The following ECT2L variants were observed in gnomAD, a reference collection of about 807,000 sequenced individuals.
The protein encoded by ECT2L is epithelial cell-transforming sequence 2 oncogene-like.
In ECT2L, 126 loss-of-function variants were observed where a neutral mutation model predicts 122.8. The observed-to-expected ratio is 1.03, with a 90% CI of 0.89 to 1.19. The LOEUF (loss-of-function observed/expected upper bound fraction) is 1.19, where lower values mean the gene tolerates loss of function less well. Among genes scored for constraint, ECT2L ranks in the 50% most tolerant of loss-of-function variants. The probability of loss-of-function intolerance (pLI) is 0.00; values close to 1 mark genes in which losing one functional copy is unlikely to be tolerated. For synonymous variants in ECT2L, 385 were observed against 381.8 expected, an observed-to-expected ratio of 1.01 and a Z score of -0.10; for missense variants, 1,012 against 1,064.1, an observed-to-expected ratio of 0.95 and a Z score of 0.68.
chr6:138,800,498 C>T (rs1478922718), intron 1 of ECT2L, among the ~76,000 whole-genome samples: 4 of 152,170 alleles, frequency 2.6e-5, no homozygotes, highest in African/African-American at 9.7e-5. Context: ...ATTCTTATCT[C>T]AAATGAATCC....
intron 20 of ECT2L, among the ~76,000 whole-genome samples, chr6:138,894,861 C>T (rs1779157407): frequency 6.6e-6 from 1 of 152,156 alleles, no homozygotes; most frequent in Admixed American, 6.5e-5. Flanking sequence ...ATAAACTCTA[C>T]TTATATTGAT....
chr6:138,816,531 C>T (rs1776073289), intron 4 of ECT2L, among the ~76,000 whole-genome samples: 1 of 152,072 alleles, frequency 6.6e-6, no homozygotes, highest in Non-Finnish European at 1.5e-5. Flanking sequence ...GTCGCCCAGG[C>T]TGGAGTGCAG....
intron 4 of ECT2L, among the ~76,000 whole-genome samples, chr6:138,831,531 C>T (rs1416789561): frequency 6.6e-6 from 1 of 152,206 alleles, no homozygotes; most frequent in Non-Finnish European, 1.5e-5. Flanking sequence ...GGAGGCTCTT[C>T]TACCTCCACT....
In ECT2L at chr6:138,844,394, C is replaced by A. The variant is rs1382730526; in HGVS notation, c.596-18C>A. 1 of 1,610,814 alleles carries A rather than the reference C, an allele frequency of 6.2e-7. No homozygotes were observed. Among genetic ancestry groups the A allele is most frequent in the African/African-American group, 1.3e-5 (1 of 74,866 alleles). On this transcript the variant is annotated intron_variant, in intron 6 of 21. Coordinates refer to ENST00000541398, the MANE Select transcript of ECT2L (RefSeq NM_001077706.3). ...AGTATGAAGTAATCAGCCCCGCCTGCTGTTCTTTGTTTTTCAGAGGAGTTA... is the reference window on the plus strand; with the variant it reads ...AGTATGAAGTAATCAGCCCCGCCTGATGTTCTTTGTTTTTCAGAGGAGTTA...
chr6:138,879,877 C>T (rs530758308), intron 14 of ECT2L, among the ~76,000 whole-genome samples: 4 of 152,112 alleles, frequency 2.6e-5, no homozygotes, highest in Admixed American at 1.3e-4. Context: ...TGCTTGAACC[C>T]AGGAGGCGGA....
chr6:138,881,280 A>T, intron 15 of ECT2L, 109 bp downstream of exon 15: 1 of 1,092,354 alleles, frequency 9.2e-7, no homozygotes, highest in Non-Finnish European at 1.3e-6. Flanking sequence ...TGACCCTCTT[A>T]GGGACCCTGA....
At chr6:138,848,437 G>A (rs1777309250) in intron 8 of ECT2L, among the ~76,000 whole-genome samples, 1 of 152,038 alleles carries the variant, frequency 6.6e-6, no homozygotes, top group Non-Finnish European at 1.5e-5. Context: ...AAAAATAAAG[G>A]AAGCACAAAG....
At chr6:138,803,805 TG>T (rs1400169318) in intron 1 of ECT2L, among the ~76,000 whole-genome samples, 1 of 152,238 alleles carries the variant, frequency 6.6e-6, no homozygotes, top group African/African-American at 2.4e-5. Flanking sequence ...GTTCCTAATA[TG>T]ATACATGCCT....
At chr6:138,820,967 C>T (rs868826720) in intron 4 of ECT2L, among the ~76,000 whole-genome samples, 1 of 152,162 alleles carries the variant, frequency 6.6e-6, no homozygotes, top group Non-Finnish European at 1.5e-5. Flanking sequence ...TTTGGCTCAA[C>T]GCAATGGAAT....
At chr6:138,810,093 T>G (rs1775841284) in intron 1 of ECT2L, among the ~76,000 whole-genome samples, 1 of 152,204 alleles carries the variant, frequency 6.6e-6, no homozygotes, top group Non-Finnish European at 1.5e-5. Context: ...ATAAGTTTAT[T>G]ACTACAGGCC....
At chr6:138,855,289 A>G (rs181905629) in intron 10 of ECT2L, among the ~76,000 whole-genome samples, 114 of 152,106 alleles carry the variant, frequency 7.5e-4, no homozygotes, top group African/African-American at 2.6e-3. Flanking sequence ...GGGCAGATCA[A>G]CTGAGGTCAG....
chr6:138,888,969 G>T lies in ECT2L; in HGVS notation c.2352G>T (p.Leu784=). The T allele has an allele frequency of 1.3e-6, 2 of 1,520,510 alleles. No individual in the cohort carries two copies. The highest frequency in any genetic ancestry group is 1.3e-5 in the South Asian group (1 of 74,568). The allele number at this position is 1,520,510 out of a possible 1,614,324, so 94.2% of individuals were successfully genotyped here. A position where few individuals can be genotyped will look rare whatever the true frequency, so the allele number is the denominator to read the frequency against. The change falls in exon 20 of 22, where the codon CTG becomes CTT. Residue 784 remains leucine (L), a synonymous_variant. Transcript: ENST00000541398. ...CPTLSEVNRY[L]IRVQDVAQLH... ...CTCTATCAGAAGTAAACAGATATCT[G>T]ATTAGGGTACAAGATGTAGCCCAAC...
At chr6:138,877,023 C>T (rs529993328) in intron 14 of ECT2L, among the ~76,000 whole-genome samples, 5 of 152,198 alleles carry the variant, frequency 3.3e-5, no homozygotes, top group South Asian at 2.1e-4. Flanking sequence ...GTGTAACCCA[C>T]GGCATGGGCA....
At chr6:138,830,732 C>T (rs562747963) in intron 4 of ECT2L, among the ~76,000 whole-genome samples, 1 of 152,274 alleles carries the variant, frequency 6.6e-6, no homozygotes, top group African/African-American at 2.4e-5. Context: ...TCCTACCTCT[C>T]GGTCCTGTCC....
chr6:138,895,410 G>A (rs1436772907), intron 20 of ECT2L, among the ~76,000 whole-genome samples: 1 of 152,118 alleles, frequency 6.6e-6, no homozygotes, highest in Non-Finnish European at 1.5e-5. Flanking sequence ...GGCTTAAGTT[G>A]CCTAAAGTCA....
intron 20 of ECT2L, 84 bp from the exon 21 acceptor site, chr6:138,900,864 G>T: frequency 1.4e-6 from 2 of 1,420,354 alleles, no homozygotes; most frequent in South Asian, 2.8e-5. Flanking sequence ...CTTGACTAGT[G>T]ACTTATCAAT....
At chr6:138,812,045 G>A (rs77149632) in intron 1 of ECT2L, among the ~76,000 whole-genome samples, 3,320 of 152,178 alleles carry the variant, frequency 0.022, 109 homozygotes, top group African/African-American at 0.071. Context: ...GCAAGACACT[G>A]TCTCAAAAGA....
intron 20 of ECT2L, among the ~76,000 whole-genome samples, chr6:138,896,091 A>AGTTTTTTTTTT (rs1255944186): frequency 7.7e-4 from 110 of 141,936 alleles, no homozygotes; most frequent in African/African-American, 2.9e-3. Context: ...TTCATTGCTG[A>AGTTTTTTTTTT]ATTTTTTTTT....
At position 138,899,805 on chromosome 6, in the gene ECT2L, C is replaced by T. The variant is rs1053134727; in HGVS notation, c.2415-1143C>T. ...TTTAGTTTGCTTCACTTAGCCACCC[C>T]TGGTGGGGAGGGGGAATTGGGGAGT... On this transcript the variant is annotated intron_variant, in intron 20 of 21. Coordinates refer to ENST00000541398, the MANE Select transcript of ECT2L (RefSeq NM_001077706.3). 2.7e-5 allele frequency among the ~76,000 whole-genome samples: 3 copies of T among 111,674 alleles called. No homozygotes were observed. In the South Asian group the frequency reaches 9.6e-4, roughly 36 times the overall value. The allele number at this position is 111,674 out of a possible 152,430, so 73.3% of individuals were successfully genotyped here.
Sources: allele counts gnomAD v4.1 joint callset (sites outside exome capture counted in the v4.1 genomes callset), GRCh38; gene constraint gnomAD v4.1.1; transcripts MANE v1.5; gene names NCBI Gene and HGNC (gene_info 2026-07-23, HGNC 2026-07-21).